Variants in ATG10 observed in about 807,000 individuals in gnomAD.
The protein encoded by ATG10 is autophagy related 10.
Under a neutral mutation model 32.1 loss-of-function variants are expected in ATG10, and 30 were observed. The observed-to-expected ratio is 0.94, with a 90% confidence interval of 0.70 to 1.27. ATG10 has a LOEUF of 1.27. ATG10 is among the 50% of genes most tolerant of loss of function. The pLI, the probability that ATG10 is intolerant of heterozygous loss-of-function variation, is 0.00. For synonymous variants in ATG10, 87 were observed against 91.5 expected (o/e 0.95, Z 0.28); for missense variants, 233 against 262.3 (o/e 0.89, Z 0.77).
intron 4 of ATG10, among the ~76,000 whole-genome samples, chr5:82,177,562 A>G (rs1744080471): frequency 6.6e-6 from 1 of 152,134 alleles, no homozygotes; most frequent in African/African-American, 2.4e-5. Flanking sequence ...GTTATATTGG[A>G]TTCTAGCATT....
At chr5:81,993,417 T>TCTTTTCTTTTC (rs1761563116) in intron 2 of ATG10, among the ~76,000 whole-genome samples, 2 of 141,040 alleles carry the variant, frequency 1.4e-5, no homozygotes, top group Non-Finnish European at 1.5e-5. Context: ...TCTTTTCTTT[T>TCTTTTCTTTTC]CTTTTCTTTC....
chr5:82,022,565 C>T (rs1276433281), intron 2 of ATG10, among the ~76,000 whole-genome samples: 2 of 151,130 alleles, frequency 1.3e-5, no homozygotes, highest in Admixed American at 1.3e-4. Flanking sequence ...TGAGGTGATC[C>T]TCCTGCCTCA....
intron 2 of ATG10, chr5:82,010,118 G>A (rs536231831): frequency 1.6e-4 from 254 of 1,564,074 alleles, no homozygotes; most frequent in Non-Finnish European, 2.1e-4. Context: ...AGTTTTCCTC[G>A]GCGGCGTCAT....
At chr5:82,111,181 T>TTG (rs1202949979) in intron 3 of ATG10, among the ~76,000 whole-genome samples, 1 of 152,018 alleles carries the variant, frequency 6.6e-6, no homozygotes, top group African/African-American at 2.4e-5. Context: ...GGACTTAATT[T>TTG]TGTAATAAGT....
At chr5:82,233,816 G>A (rs1036629577) in intron 5 of ATG10, among the ~76,000 whole-genome samples, 1 of 152,158 alleles carries the variant, frequency 6.6e-6, no homozygotes, top group Non-Finnish European at 1.5e-5. Context: ...CCTAGGGCCT[G>A]CAAATTAAAT....
chr5:82,095,985 G>A (rs1765045031), intron 3 of ATG10, among the ~76,000 whole-genome samples: 1 of 152,176 alleles, frequency 6.6e-6, no homozygotes, highest in Admixed American at 6.6e-5. Flanking sequence ...AGACTTCACA[G>A]AGGCAGGCAG....
intron 2 of ATG10, among the ~76,000 whole-genome samples, chr5:82,035,111 C>T (rs1762875296): frequency 6.6e-6 from 1 of 152,062 alleles, no homozygotes; most frequent in African/African-American, 2.4e-5. Context: ...AGGGTTTCAC[C>T]ATGTTGGCCA....
chr5:82,112,613 A>G (rs1765655068), intron 3 of ATG10, among the ~76,000 whole-genome samples: 1 of 151,878 alleles, frequency 6.6e-6, no homozygotes, highest in South Asian at 2.1e-4. Context: ...TATTATATGC[A>G]TGATTTATTG....
chr5:82,082,031 G>A (rs1034517675), intron 3 of ATG10, among the ~76,000 whole-genome samples: 1 of 152,122 alleles, frequency 6.6e-6, no homozygotes, highest in Non-Finnish European at 1.5e-5. Flanking sequence ...GGTCTCATGA[G>A]ACTCTTTCAT....
intron 3 of ATG10, among the ~76,000 whole-genome samples, chr5:82,059,834 G>A (rs1763712430): frequency 6.6e-6 from 1 of 152,106 alleles, no homozygotes; most frequent in African/African-American, 2.4e-5. Flanking sequence ...AATAAGCTAA[G>A]TGCCCCCAGA....
At chr5:81,975,624 G>C (rs115331591) in intron 1 of ATG10, among the ~76,000 whole-genome samples, 390 of 152,156 alleles carry the variant, frequency 2.6e-3, no homozygotes, top group African/African-American at 9.0e-3. Context: ...GGAGGTTGCA[G>C]TCAGCTGAGA....
intron 4 of ATG10, 118 bp downstream of exon 4, chr5:82,164,655 G>A: frequency 9.8e-7 from 1 of 1,018,248 alleles, no homozygotes; most frequent in East Asian, 2.6e-5. Context: ...AGAAAACTGT[G>A]GGTGAGGTAA....
chr5:82,165,878 G>C (rs1336914697), intron 4 of ATG10, among the ~76,000 whole-genome samples: 1 of 152,150 alleles, frequency 6.6e-6, no homozygotes, highest in Admixed American at 6.5e-5. Context: ...AGTCGAGGCT[G>C]CAGGTAGAGG....
At chr5:82,150,369 G>A (rs1055356061) in intron 3 of ATG10, among the ~76,000 whole-genome samples, 1 of 151,854 alleles carries the variant, frequency 6.6e-6, no homozygotes, top group Non-Finnish European at 1.5e-5. Flanking sequence ...TCATTTAATA[G>A]CACTTTAATA....
intron 3 of ATG10, among the ~76,000 whole-genome samples, chr5:82,065,808 A>C (rs1054490230): frequency 2.6e-5 from 4 of 152,164 alleles, no homozygotes; most frequent in Non-Finnish European, 5.9e-5. Context: ...CAAGCCCTAT[A>C]CTTCAATTAG....
chr5:82,227,252 A>T (rs1746168648), intron 5 of ATG10, among the ~76,000 whole-genome samples: 1 of 152,114 alleles, frequency 6.6e-6, no homozygotes. Context: ...GACATCCGAC[A>T]TCCATCCCTT....
At chr5:82,216,448 T>G (rs1194291202) in intron 5 of ATG10, among the ~76,000 whole-genome samples, 1 of 152,238 alleles carries the variant, frequency 6.6e-6, no homozygotes, top group Non-Finnish European at 1.5e-5. Context: ...GATTCTTTAA[T>G]GAATGGATTT....
intron 3 of ATG10, among the ~76,000 whole-genome samples, chr5:82,106,708 T>C (rs890287678): frequency 6.6e-6 from 1 of 152,054 alleles, no homozygotes; most frequent in Non-Finnish European, 1.5e-5. Flanking sequence ...ATAAGCTATA[T>C]CATAGCTCTT....
chr5:81,975,283 T>G (rs1760836733), intron 1 of ATG10, among the ~76,000 whole-genome samples: 1 of 152,230 alleles, frequency 6.6e-6, no homozygotes, highest in African/African-American at 2.4e-5. Context: ...AATCTTTACT[T>G]AAAAATTTGA....
Sources: allele counts gnomAD v4.1 joint callset (sites outside exome capture counted in the v4.1 genomes callset), GRCh38; gene constraint gnomAD v4.1.1; transcripts MANE v1.5; gene names NCBI Gene and HGNC (gene_info 2026-07-23, HGNC 2026-07-21).